Variants in PSTPIP1 observed in about 807,000 individuals in gnomAD.
PSTPIP1 encodes proline-serine-threonine phosphatase-interacting protein 1.
A neutral mutation model predicts 69.6 loss-of-function variants in PSTPIP1; 66 were observed. The observed-to-expected ratio is 0.95, with a 90% CI of 0.78 to 1.16. The LOEUF (loss-of-function observed/expected upper bound fraction) is 1.16. Among genes scored for constraint, PSTPIP1 ranks in the 50% most tolerant of loss-of-function variants. The pLI, the probability that PSTPIP1 is intolerant of heterozygous loss-of-function variation, is 0.00. For missense variants in PSTPIP1, 603 were observed against 557.4 expected, an observed-to-expected ratio of 1.08 and a Z score of -0.82; for synonymous variants, 266 against 222.7, an observed-to-expected ratio of 1.19 and a Z score of -1.73.
At chr15:77,016,093 G>C (rs1291277608) in intron 1 of PSTPIP1, 1 of 456,074 alleles carries the variant, frequency 2.2e-6, no homozygotes. Flanking sequence ...CTGGGCTCCA[G>C]GTGGCCTCTC....
intron 1 of PSTPIP1, among the ~76,000 whole-genome samples, chr15:77,003,643 G>GA (rs2075758401): frequency 6.7e-6 from 1 of 149,808 alleles, no homozygotes; most frequent in East Asian, 1.9e-4. Flanking sequence ...GCAAAAGAAC[G>GA]AAACTCCGTC....
At chr15:77,019,936 G>C in intron 3 of PSTPIP1, among the ~76,000 whole-genome samples, 1 of 152,176 alleles carries the variant, frequency 6.6e-6, no homozygotes, top group East Asian at 1.9e-4. Context: ...CAGCCTCCAG[G>C]CCAGCTGGAA....
At chr15:77,005,358 C>T (rs1461140940) in intron 1 of PSTPIP1, among the ~76,000 whole-genome samples, 1 of 152,142 alleles carries the variant, frequency 6.6e-6, no homozygotes, top group Non-Finnish European at 1.5e-5. Context: ...TGCACTCCAG[C>T]CTGGGCAACA....
chr15:76,996,257 G>T (rs2075576968), intron 1 of PSTPIP1, among the ~76,000 whole-genome samples: 1 of 152,192 alleles, frequency 6.6e-6, no homozygotes, highest in East Asian at 1.9e-4. Flanking sequence ...CTTAAATCAA[G>T]TCATTTCCCC....
chr15:77,002,623 G>A (rs541754865), intron 1 of PSTPIP1, among the ~76,000 whole-genome samples: 53 of 152,298 alleles, frequency 3.5e-4, no homozygotes, highest in Admixed American at 6.5e-4. Context: ...GGACGTGGCC[G>A]GCTGCTCAGG....
chr15:77,021,727 G>A (rs1160206832), intron 3 of PSTPIP1, among the ~76,000 whole-genome samples: 2 of 152,176 alleles, frequency 1.3e-5, no homozygotes, highest in Admixed American at 1.3e-4. Context: ...CAACATTGCT[G>A]ACATCACATG....
chr15:77,020,485 T>C (rs16968627), intron 3 of PSTPIP1, among the ~76,000 whole-genome samples: 10,416 of 152,230 alleles, frequency 0.068, 493 homozygotes, highest in Middle Eastern at 0.11. Flanking sequence ...GTACTGTTGA[T>C]GAGGCCATGC....
intron 1 of PSTPIP1, among the ~76,000 whole-genome samples, chr15:77,017,292 C>G (rs2076070326): frequency 6.6e-6 from 1 of 152,164 alleles, no homozygotes; most frequent in Non-Finnish European, 1.5e-5. Flanking sequence ...CTTCCCACAC[C>G]AGCAGCTCAG....
At chr15:77,019,383 T>C (rs1007471070) in intron 3 of PSTPIP1, among the ~76,000 whole-genome samples, 4 of 152,156 alleles carry the variant, frequency 2.6e-5, no homozygotes, top group African/African-American at 9.7e-5. Context: ...ACCCTGCAGC[T>C]GCTGTGGAAC....
At chr15:76,998,761 C>A (rs1242249462) in intron 1 of PSTPIP1, among the ~76,000 whole-genome samples, 1 of 152,158 alleles carries the variant, frequency 6.6e-6, no homozygotes, top group Non-Finnish European at 1.5e-5. Context: ...CCTCAGTCGG[C>A]CTGTTTTTGC....
chr15:77,004,805 A>T (rs1009345606), intron 1 of PSTPIP1, among the ~76,000 whole-genome samples: 1 of 151,994 alleles, frequency 6.6e-6, no homozygotes, highest in Non-Finnish European at 1.5e-5. Flanking sequence ...AACTGTAGTG[A>T]CTGTATGATC....
chr15:77,034,544 G>A (rs1377441051), intron 12 of PSTPIP1, among the ~76,000 whole-genome samples: 1 of 151,564 alleles, frequency 6.6e-6, no homozygotes, highest in Non-Finnish European at 1.5e-5. Context: ...TCAGGGTCTG[G>A]TCCAGTCTCT....
At chr15:77,018,598 G>C in intron 3 of PSTPIP1, 67 bp downstream of exon 3, 1 of 1,441,734 alleles carries the variant, frequency 6.9e-7, no homozygotes, top group Non-Finnish European at 9.3e-7. Flanking sequence ...CTTTAGATGA[G>C]GTTTAGGTCT....
At chr15:77,033,881 C>T (rs1374798168) in intron 12 of PSTPIP1, among the ~76,000 whole-genome samples, 3 of 152,132 alleles carry the variant, frequency 2.0e-5, no homozygotes, top group Non-Finnish European at 4.4e-5. Flanking sequence ...GCAGCACACC[C>T]GCAGCCTCAC....
chr15:77,000,458 G>GAT (rs148680520), intron 1 of PSTPIP1, among the ~76,000 whole-genome samples: 49,780 of 138,248 alleles, frequency 0.36, 9,141 homozygotes, highest in East Asian at 0.61. Flanking sequence ...CATTTAAAGA[G>GAT]AGATATATAT....
intron 1 of PSTPIP1, among the ~76,000 whole-genome samples, chr15:77,002,107 C>T (rs1048918773): frequency 3.3e-5 from 5 of 152,254 alleles, no homozygotes; most frequent in African/African-American, 1.2e-4. Flanking sequence ...GTGCCTGTTC[C>T]ATGCCAGGCA....
At chr15:77,008,664 C>T (rs1387525663) in intron 1 of PSTPIP1, among the ~76,000 whole-genome samples, 1 of 152,202 alleles carries the variant, frequency 6.6e-6, no homozygotes, top group Non-Finnish European at 1.5e-5. Context: ...CCCGCCTCGG[C>T]TTTCCAAAGT....
intron 1 of PSTPIP1, among the ~76,000 whole-genome samples, chr15:77,004,375 T>C (rs765781946): frequency 6.6e-6 from 1 of 152,138 alleles, no homozygotes; most frequent in Non-Finnish European, 1.5e-5. Context: ...GCTGGAGCCC[T>C]GGAGACCAGC....
intron 1 of PSTPIP1, among the ~76,000 whole-genome samples, chr15:77,004,479 G>T (rs2075774945): frequency 1.3e-5 from 2 of 152,270 alleles, no homozygotes; most frequent in Middle Eastern, 6.8e-3. Context: ...AGGAAGTCAG[G>T]GGGTGATGGG....
Sources: allele counts gnomAD v4.1 joint callset (sites outside exome capture counted in the v4.1 genomes callset), GRCh38; gene constraint gnomAD v4.1.1; transcripts MANE v1.5; gene names NCBI Gene and HGNC (gene_info 2026-07-23, HGNC 2026-07-21).